Variants in ANKRD6 observed in about 807,000 individuals in gnomAD.
The protein encoded by ANKRD6 is ankyrin repeat domain 6, also known as ankyrin repeat domain-containing protein 6.
In ANKRD6, 56 loss-of-function variants were observed where a neutral mutation model predicts 82.3. That is an observed-to-expected ratio of 0.68 (90% CI 0.55 to 0.85). The LOEUF (loss-of-function observed/expected upper bound fraction) is 0.85, where lower values mean the gene tolerates loss of function less well. ANKRD6 is among the 40% of genes least tolerant of loss of function. The pLI is 0.00. For synonymous variants in ANKRD6, 347 were observed against 352.1 expected, an observed-to-expected ratio of 0.99 and a Z score of 0.16; for missense variants, 852 against 907.6, an observed-to-expected ratio of 0.94 and a Z score of 0.79.
At chr6:89,434,196 T>C (rs1329341967) in intron 1 of ANKRD6, among the ~76,000 whole-genome samples, 1 of 152,210 alleles carries the variant, frequency 6.6e-6, no homozygotes, top group Non-Finnish European at 1.5e-5. Flanking sequence ...TCTTTAAACC[T>C]TAGTTTTTAG....
At chr6:89,617,052 CT>C (rs1801754269) in intron 8 of ANKRD6, 1 of 407,594 alleles carries the variant, frequency 2.5e-6, no homozygotes, top group Admixed American at 2.7e-5. Context: ...ACTCCTTTCT[CT>C]TCCACTTTGC....
intron 1 of ANKRD6, among the ~76,000 whole-genome samples, chr6:89,497,248 T>C (rs1778735022): frequency 6.6e-6 from 1 of 152,224 alleles, no homozygotes; most frequent in African/African-American, 2.4e-5. Context: ...AGGCTGATCA[T>C]TTAGGATATT....
intron 1 of ANKRD6, among the ~76,000 whole-genome samples, chr6:89,488,403 T>C (rs552260667): frequency 1.5e-4 from 23 of 152,148 alleles, no homozygotes; most frequent in Non-Finnish European, 2.9e-4. Context: ...TGGGCTGTGA[T>C]TGTACCACTG....
At chr6:89,545,590 C>T (rs1784991697) in intron 1 of ANKRD6, among the ~76,000 whole-genome samples, 1 of 152,148 alleles carries the variant, frequency 6.6e-6, no homozygotes, top group Non-Finnish European at 1.5e-5. Context: ...ACCCAGAATT[C>T]CTGTGTGACG....
chr6:89,580,139 A>G (rs1480783570), intron 2 of ANKRD6, among the ~76,000 whole-genome samples: 1 of 151,956 alleles, frequency 6.6e-6, no homozygotes, highest in Admixed American at 6.6e-5. Flanking sequence ...CATTTCTCCA[A>G]CCACATGAAA....
intron 1 of ANKRD6, among the ~76,000 whole-genome samples, chr6:89,495,011 G>T (rs1399858094): frequency 6.6e-6 from 1 of 152,090 alleles, no homozygotes; most frequent in African/African-American, 2.4e-5. Context: ...GAGGTGGGCG[G>T]ATCACAAGGT....
intron 1 of ANKRD6, among the ~76,000 whole-genome samples, chr6:89,515,614 C>A (rs1054847679): frequency 5.9e-5 from 9 of 152,190 alleles, no homozygotes; most frequent in Non-Finnish European, 2.9e-5. Context: ...TGTGGCCCCC[C>A]AAAATGTTAT....
At chr6:89,588,153 C>T (rs977889618) in intron 2 of ANKRD6, among the ~76,000 whole-genome samples, 7 of 110,514 alleles carry the variant, frequency 6.3e-5, no homozygotes, top group African/African-American at 1.3e-4. Flanking sequence ...AAAATCTAAA[C>T]GAGGAGCCAG....
At chr6:89,592,097 T>C (rs1479710602) in intron 2 of ANKRD6, among the ~76,000 whole-genome samples, 1 of 152,116 alleles carries the variant, frequency 6.6e-6, no homozygotes, top group East Asian at 1.9e-4. Flanking sequence ...CAGTTTACGT[T>C]TCAAAAATGG....
Position 89,630,636 on chromosome 6 carries a change from TCTGATCAGCAGG to T in ANKRD6, c.1820_1831del (p.Asp607_Ala610del), listed in dbSNP as rs537834165. ...GCTACCCATGAATGAGGCAGCCAGA[TCTGATCAGCAGG>T]CTGGGCCCTGCGTCAACAGAGGCAC... On this transcript the variant is annotated inframe_deletion, in exon 16 of 16. Coordinates refer to ENST00000339746, the MANE Select transcript of ANKRD6 (RefSeq NM_001242809.2). 3.1e-4 allele frequency: 501 copies of T among 1,613,750 alleles called. 4 individuals carry two copies. The highest frequency in any genetic ancestry group is 1.8e-3 in the Middle Eastern group (11 of 6,084).
At position 89,606,251 on chromosome 6, in the gene ANKRD6, C is replaced by T. The variant is rs1798590425; in HGVS notation, c.417+146C>T. ...GAAGGTCCATTCGGCCCAGAAGTTT[C>T]ATTTGCAGAAAAGGCTAGAAGCTGA... On this transcript the variant is annotated intron_variant, in intron 5 of 15. Transcript: ENST00000339746. The T allele has an allele frequency of 1.3e-5, 8 of 612,542 alleles. No homozygotes were observed. In the Admixed American group the frequency reaches 2.4e-4, roughly 19 times the overall value. 37.9% of individuals were successfully genotyped at this position (612,542 alleles called of 1,614,324 possible).
intron 1 of ANKRD6, among the ~76,000 whole-genome samples, chr6:89,532,590 G>A (rs1285123630): frequency 1.3e-5 from 2 of 152,180 alleles, no homozygotes; most frequent in African/African-American, 4.8e-5. Flanking sequence ...AGCTCCATGA[G>A]GGCAGGGAGC....
chr6:89,477,024 A>G (rs908265123), intron 1 of ANKRD6, among the ~76,000 whole-genome samples: 2 of 152,220 alleles, frequency 1.3e-5, no homozygotes, highest in East Asian at 3.9e-4. Context: ...GGCCCCCTGC[A>G]AGCTCCGCCT....
intron 1 of ANKRD6, among the ~76,000 whole-genome samples, chr6:89,458,662 C>G (rs1348841642): frequency 6.6e-6 from 1 of 152,194 alleles, no homozygotes; most frequent in African/African-American, 2.4e-5. Context: ...CAGCTTTATT[C>G]TAGCTGAGCT....
At chr6:89,549,750 C>T (rs1785569512) in intron 1 of ANKRD6, among the ~76,000 whole-genome samples, 2 of 152,112 alleles carry the variant, frequency 1.3e-5, no homozygotes, top group Admixed American at 6.5e-5. Context: ...CCCTGCACTC[C>T]TGCCTCTGGG....
chr6:89,468,144 T>C (rs1382606950), intron 1 of ANKRD6, among the ~76,000 whole-genome samples: 2 of 152,186 alleles, frequency 1.3e-5, no homozygotes, highest in East Asian at 3.9e-4. Context: ...TTTAATAGTT[T>C]AGTCTCTTAA....
intron 1 of ANKRD6, among the ~76,000 whole-genome samples, chr6:89,506,701 G>C (rs1260203971): frequency 6.6e-6 from 1 of 152,202 alleles, no homozygotes; most frequent in Non-Finnish European, 1.5e-5. Flanking sequence ...TCCACAGTTT[G>C]CTTGCCAGCC....
intron 15 of ANKRD6, 66 bp from the exon 16 acceptor site, chr6:89,630,367 G>A: frequency 6.5e-7 from 1 of 1,535,576 alleles, no homozygotes; most frequent in Non-Finnish European, 8.7e-7. Context: ...CTAAAATACT[G>A]ACCCGCAGCC....
At chr6:89,573,121 C>A (rs1790313283) in intron 2 of ANKRD6, among the ~76,000 whole-genome samples, 1 of 152,102 alleles carries the variant, frequency 6.6e-6, no homozygotes, top group South Asian at 2.1e-4. Flanking sequence ...TGCCACCATG[C>A]CTAGCTGATA....
Sources: allele counts gnomAD v4.1 joint callset (sites outside exome capture counted in the v4.1 genomes callset), GRCh38; gene constraint gnomAD v4.1.1; transcripts MANE v1.5; gene names NCBI Gene and HGNC (gene_info 2026-07-23, HGNC 2026-07-21).